GRIK5: variants seen among roughly 807,000 people sequenced by gnomAD.
The protein encoded by GRIK5 is glutamate receptor ionotropic, kainate 5.
A neutral mutation model predicts 97.4 loss-of-function variants in GRIK5; 43 were observed. The observed-to-expected ratio is 0.44, with a 90% confidence interval of 0.35 to 0.57. The LOEUF (loss-of-function observed/expected upper bound fraction) is 0.57. Among genes scored for constraint, GRIK5 ranks in the 20% least tolerant of loss-of-function variants. The pLI is 0.01. For synonymous variants in GRIK5, 580 were observed against 583.5 expected (o/e 0.99, Z 0.09); for missense variants, 1,015 against 1,382.0 (o/e 0.73, Z 4.21).
intron 11 of GRIK5, among the ~76,000 whole-genome samples, chr19:42,048,309 T>C (rs930874979): frequency 6.6e-6 from 1 of 152,200 alleles, no homozygotes; most frequent in Non-Finnish European, 1.5e-5. Context: ...AAATGACTTG[T>C]ACCCAAGAAT....
At chr19:42,013,565 G>A (rs1468934862) in intron 15 of GRIK5, among the ~76,000 whole-genome samples, 12 of 151,458 alleles carry the variant, frequency 7.9e-5, no homozygotes, top group East Asian at 7.7e-4. Flanking sequence ...ACCCGCCACC[G>A]CACCCGGCTA....
chr19:42,038,580 C>T (rs190073177), intron 12 of GRIK5, among the ~76,000 whole-genome samples: 4 of 152,360 alleles, frequency 2.6e-5, no homozygotes, highest in Admixed American at 1.3e-4. Context: ...CCTGGCACAG[C>T]GTGCCACTCC....
chr19:42,046,665 A>C (rs988291426), intron 11 of GRIK5, among the ~76,000 whole-genome samples: 3 of 152,182 alleles, frequency 2.0e-5, no homozygotes, highest in African/African-American at 7.2e-5. Context: ...AGGAGGAAAA[A>C]AACAAGCTAC....
At chr19:42,038,900 A>C (rs550479033) in intron 12 of GRIK5, among the ~76,000 whole-genome samples, 28 of 152,238 alleles carry the variant, frequency 1.8e-4, no homozygotes, top group African/African-American at 6.7e-4. Flanking sequence ...CCTATCCTTC[A>C]CGCTCCAGCT....
chr19:42,020,044 C>T (rs762367231), intron 15 of GRIK5, among the ~76,000 whole-genome samples: 13 of 150,390 alleles, frequency 8.6e-5, no homozygotes, highest in South Asian at 4.2e-4. Flanking sequence ...GCTGGAGTGC[C>T]GTGGCACGAT....
At chr19:42,050,876 AGAGG>A (rs998543863) in intron 11 of GRIK5, among the ~76,000 whole-genome samples, 3 of 141,108 alleles carry the variant, frequency 2.1e-5, no homozygotes, top group Non-Finnish European at 4.7e-5. Context: ...CAAGCTCAGG[AGAGG>A]GAGGGAGGGA....
rs1372592036 is a variant in GRIK5 at position 42,069,576 on chromosome 19, G to A, written c.-386C>T. ...AGAGGAAGGTGAAAACGGAAGGGGG[G>A]GGCACAGGCAAAGCCGGGGGAGGGG... On this transcript the variant is annotated 5_prime_UTR_variant, in exon 1 of 20. Transcript: ENST00000593562. 1 of 139,992 alleles carries A rather than the reference G, an allele frequency of 7.1e-6. No individual in the cohort carries two copies. Among genetic ancestry groups the A allele is most frequent in the African/African-American group, 2.6e-5 (1 of 38,488 alleles). 8.7% of individuals were successfully genotyped at this position (139,992 alleles called of 1,614,324 possible).
At chr19:42,009,329 G>A (rs1368555332) in intron 15 of GRIK5, among the ~76,000 whole-genome samples, 5 of 151,908 alleles carry the variant, frequency 3.3e-5, no homozygotes, top group Non-Finnish European at 4.4e-5. Flanking sequence ...TGCAACCTCC[G>A]CTTCCCGGGT....
Position 42,003,182 on chromosome 19 carries a change from G to A in GRIK5, c.2514+150C>T. ...ACGCGCTGATTCTCTGGCCCCATCA[G>A]CTCTCTTACTTCCCCACCTCCTGCA... On this transcript the variant is annotated intron_variant, in intron 19 of 19. Coordinates refer to ENST00000593562, the MANE Select transcript of GRIK5 (RefSeq NM_002088.5). This position sits in a 1 kb window ranked among gnomAD's most constrained non-coding sequence, Gnocchi z 4.2. The A allele has an allele frequency of 2.9e-6, 2 of 685,744 alleles. No individual in the cohort carries two copies. The highest frequency in any genetic ancestry group is 2.5e-6 in the Non-Finnish European group (1 of 402,824). 42.5% of individuals were successfully genotyped at this position (685,744 alleles called of 1,614,324 possible).
chr19:42,027,424 G>C (rs2075785516), intron 12 of GRIK5, among the ~76,000 whole-genome samples: 1 of 152,258 alleles, frequency 6.6e-6, no homozygotes, highest in Non-Finnish European at 1.5e-5. Flanking sequence ...CATCCAGCAA[G>C]GCTGGAGCAG....
At chr19:42,047,653 T>C (rs949741751) in intron 11 of GRIK5, among the ~76,000 whole-genome samples, 1 of 152,074 alleles carries the variant, frequency 6.6e-6, no homozygotes, top group Non-Finnish European at 1.5e-5. Flanking sequence ...ATGGTGCTGC[T>C]GAATTAAATA....
intron 6 of GRIK5, 52 bp downstream of exon 6, chr19:42,059,297 A>G (rs770086492): frequency 7.4e-6 from 11 of 1,482,678 alleles, no homozygotes; most frequent in Non-Finnish European, 1.0e-5. Flanking sequence ...TTGCTCGGTC[A>G]CCCCAAGTTT....
rs1157462086 is a variant in GRIK5 at position 42,002,459 on chromosome 19, C to T, written c.2514+873G>A. 5.6e-6 allele frequency: 4 copies of T among 717,506 alleles called. No homozygotes were observed. The East Asian group carries it at 8.0e-5, about 14-fold the overall frequency. The allele number at this position is 717,506 out of a possible 1,614,324, so 44.4% of individuals were successfully genotyped here. On this transcript the variant is annotated intron_variant, in intron 19 of 19. Transcript: ENST00000593562. This position sits in a 1 kb window ranked among gnomAD's most constrained non-coding sequence, Gnocchi z 5.2. ...GCAACCTGGACACGGGTGGAGGGCACCTTTACTAGCAGCATGGACGGCTCC... is the reference window on the plus strand; with the variant it reads ...GCAACCTGGACACGGGTGGAGGGCATCTTTACTAGCAGCATGGACGGCTCC...
In GRIK5 at chr19:42,068,721, G is replaced by A. The variant is rs1052420255; in HGVS notation, c.-51+520C>T. On this transcript the variant is annotated intron_variant, in intron 1 of 19. Transcript: ENST00000593562. Reference sequence around the variant, plus strand: ...GGATCTAAACAGAGACATGCCGAGAGCAACCTGGGCTAACAGCAAAGAGAG... The same window carrying A: ...GGATCTAAACAGAGACATGCCGAGAACAACCTGGGCTAACAGCAAAGAGAG... 1.6e-5 allele frequency: 8 copies of A among 493,002 alleles called. No homozygotes were observed. In the Admixed American group the frequency reaches 3.0e-4, roughly 18 times the overall value. 30.5% of individuals were successfully genotyped at this position (493,002 alleles called of 1,614,324 possible).
chr19:42,015,772 C>A (rs1474196203), intron 15 of GRIK5, among the ~76,000 whole-genome samples: 2 of 152,134 alleles, frequency 1.3e-5, no homozygotes, highest in Non-Finnish European at 2.9e-5. Flanking sequence ...ACCGTGGCCC[C>A]CTCTGTCCTC....
At chr19:42,041,018 C>T (rs1004097106) in intron 12 of GRIK5, among the ~76,000 whole-genome samples, 14 of 152,278 alleles carry the variant, frequency 9.2e-5, no homozygotes, top group Admixed American at 4.6e-4. Flanking sequence ...GTGGGAGGCA[C>T]CCCCATCTCT....
chr19:42,035,047 C>T (rs1293562676), intron 12 of GRIK5, among the ~76,000 whole-genome samples: 25 of 152,266 alleles, frequency 1.6e-4, no homozygotes, highest in African/African-American at 5.8e-4. Flanking sequence ...GGCACCATCT[C>T]GGCTCACCAC....
chr19:42,028,318 A>G (rs1334078200), intron 12 of GRIK5, among the ~76,000 whole-genome samples: 8 of 152,012 alleles, frequency 5.3e-5, no homozygotes, highest in Non-Finnish European at 1.5e-5. Flanking sequence ...AGCACTTGTG[A>G]TAGTCCCTCA....
In GRIK5 at chr19:42,003,461, G is replaced by A. The variant is rs2075448496; in HGVS notation, c.2393-8C>T. ...TGTTCTCCATGCCCAAACCTGGAGG[G>A]CGAAGGGAGTTGGGGGGCAAAGGGA... On this transcript the variant is annotated splice_polypyrimidine_tract_variant and splice_region_variant and intron_variant, in intron 18 of 19. Coordinates refer to ENST00000593562, the MANE Select transcript of GRIK5 (RefSeq NM_002088.5). The surrounding 1 kb of genome is among the most constrained non-coding windows in gnomAD (Gnocchi z 4.2). The A allele has an allele frequency of 3.7e-6, 6 of 1,613,816 alleles. No individual in the cohort carries two copies. In the East Asian group the frequency reaches 1.3e-4, roughly 36 times the overall value.
Sources: gnomAD v4.1 joint callset for allele counts (sites outside exome capture counted in the v4.1 genomes callset) on GRCh38, gnomAD v4.1.1 for gene constraint, Gnocchi (gnomAD v3.1) non-coding constraint, MANE v1.5 for transcripts, NCBI Gene and HGNC (gene_info 2026-07-23, HGNC 2026-07-21) for gene names.